Variants in CEP85L observed in about 807,000 individuals in gnomAD.
The protein encoded by CEP85L is centrosomal protein of 85 kDa-like.
Under a neutral mutation model 100.3 loss-of-function variants are expected in CEP85L, and 60 were observed. That is an observed-to-expected ratio of 0.60 (90% CI 0.49 to 0.74). The LOEUF is 0.74. Among genes scored for constraint, CEP85L ranks in the 30% least tolerant of loss-of-function variants. The pLI is 0.00. For missense variants in CEP85L, 973 were observed against 936.2 expected, an observed-to-expected ratio of 1.04 and a Z score of -0.51; for synonymous variants, 319 against 322.7, an observed-to-expected ratio of 0.99 and a Z score of 0.12.
intron 3 of CEP85L, among the ~76,000 whole-genome samples, chr6:118,554,338 G>A (rs55968023): frequency 0.017 from 2,591 of 151,944 alleles, 69 homozygotes; most frequent in African/African-American, 0.059. Context: ...AATGAGATGG[G>A]GTCTCATTAT....
intron 3 of CEP85L, among the ~76,000 whole-genome samples, chr6:118,558,404 A>G (rs1201884115): frequency 1.3e-5 from 2 of 152,148 alleles, no homozygotes; most frequent in Admixed American, 1.3e-4. Flanking sequence ...GTTTACATCA[A>G]TCAGCCTAGG....
chr6:118,560,836 G>C (rs890678760), intron 3 of CEP85L: 1 of 152,866 alleles, frequency 6.5e-6, no homozygotes, highest in South Asian at 2.1e-4. Context: ...GGTAATTTAA[G>C]TTGACTAAAG....
intron 1 of CEP85L, among the ~76,000 whole-genome samples, chr6:118,643,690 A>C (rs906463136): frequency 6.6e-6 from 1 of 152,214 alleles, no homozygotes; most frequent in Admixed American, 6.5e-5. Flanking sequence ...GGAGAAAAAA[A>C]ACAAAAGTAG....
At chr6:118,652,030 T>C, upstream of CEP85L, 1 of 480,104 alleles carries the variant, frequency 2.1e-6, no homozygotes, top group Non-Finnish European at 2.7e-6. Flanking sequence ...AATCCTCATC[T>C]GTATTCCTTC....
intron 1 of CEP85L, among the ~76,000 whole-genome samples, chr6:118,675,069 C>T (rs948101081): frequency 5.3e-5 from 8 of 152,138 alleles, no homozygotes; most frequent in African/African-American, 1.9e-4. Context: ...TGTCTGTCAA[C>T]TCATAAATGG....
At chr6:118,556,181 G>T (rs1469340211) in intron 3 of CEP85L, among the ~76,000 whole-genome samples, 6 of 152,160 alleles carry the variant, frequency 3.9e-5, no homozygotes, top group African/African-American at 1.4e-4. Flanking sequence ...TGGGATTGTT[G>T]GGTCGAATGG....
intron 5 of CEP85L, chr6:118,502,433 G>T: frequency 3.8e-6 from 2 of 528,924 alleles, no homozygotes; most frequent in Non-Finnish European, 3.7e-6. Context: ...TATAAGAGTT[G>T]GAGATATCAC....
At chr6:118,654,160 T>C (rs983685267), upstream of CEP85L, among the ~76,000 whole-genome samples, 1 of 152,122 alleles carries the variant, frequency 6.6e-6, no homozygotes, top group African/African-American at 2.4e-5. Flanking sequence ...ATGCCTGTAA[T>C]CCAGTGCTTT....
chr6:118,692,840 A>T (rs987294892), intron 1 of CEP85L, among the ~76,000 whole-genome samples: 3 of 102,530 alleles, frequency 2.9e-5, no homozygotes, highest in African/African-American at 1.1e-4. Flanking sequence ...GCAGGAAATC[A>T]TAAGGTAGTT....
At chr6:118,471,232 C>T (rs981590573) in intron 10 of CEP85L, among the ~76,000 whole-genome samples, 8 of 152,022 alleles carry the variant, frequency 5.3e-5, no homozygotes, top group African/African-American at 1.9e-4. Context: ...ATTACCTAGA[C>T]ATGACACTAT....
At chr6:118,593,569 C>G (rs541611786) in intron 2 of CEP85L, among the ~76,000 whole-genome samples, 3 of 151,554 alleles carry the variant, frequency 2.0e-5, no homozygotes, top group Non-Finnish European at 4.4e-5. Context: ...AAACCATTCA[C>G]GAGAAACTGC....
chr6:118,600,298 G>GTT (rs1781672559), intron 2 of CEP85L, among the ~76,000 whole-genome samples: 6 of 59,152 alleles, frequency 1.0e-4, no homozygotes, highest in African/African-American at 3.5e-4. Flanking sequence ...AGCCTTCCTG[G>GTT]GGGTGTGTGT....
At chr6:118,652,204 C>G (rs1355220456), upstream of CEP85L, among the ~76,000 whole-genome samples, 2 of 152,036 alleles carry the variant, frequency 1.3e-5, no homozygotes, top group Non-Finnish European at 2.9e-5. Context: ...ATTGTAATCG[C>G]ACAACGTTTC....
chr6:118,705,437 T>C (rs886677590), intron 1 of CEP85L, among the ~76,000 whole-genome samples: 7 of 152,222 alleles, frequency 4.6e-5, no homozygotes, highest in Non-Finnish European at 8.8e-5. Context: ...AAAATATAGT[T>C]ACAAGGCATG....
intron 4 of CEP85L, among the ~76,000 whole-genome samples, chr6:118,514,972 GT>G (rs369273286): frequency 5.9e-4 from 86 of 144,676 alleles, no homozygotes; most frequent in Middle Eastern, 3.7e-3. Context: ...GCCCGGCTAA[GT>G]TTTTTTTTTT....
upstream of CEP85L, among the ~76,000 whole-genome samples, chr6:118,654,385 C>A (rs1775704961): frequency 6.6e-6 from 1 of 151,994 alleles, no homozygotes; most frequent in Non-Finnish European, 1.5e-5. Context: ...GCAAAAGAAC[C>A]CAACAATATG....
At chr6:118,639,018 T>C (rs761162103) in intron 1 of CEP85L, among the ~76,000 whole-genome samples, 2 of 152,188 alleles carry the variant, frequency 1.3e-5, no homozygotes, top group South Asian at 2.1e-4. Flanking sequence ...AGCAGATTTA[T>C]ACTTTTAAAT....
At chr6:118,542,919 A>AAAAAAAAAAAAAAAAAC (rs1562245143) in intron 3 of CEP85L, among the ~76,000 whole-genome samples, 1 of 150,758 alleles carries the variant, frequency 6.6e-6, no homozygotes, top group African/African-American at 2.4e-5. Context: ...AAAAAAAAAA[A>AAAAAAAAAAAAAAAAAC]AAAACAGGAT....
upstream of CEP85L, chr6:118,652,388 T>C (rs1775619037): frequency 7.4e-6 from 8 of 1,077,256 alleles, no homozygotes; most frequent in African/African-American, 1.7e-5. Flanking sequence ...AGCATCGTTT[T>C]ATTTTTAAAT....
Sources: allele counts gnomAD v4.1 joint callset (sites outside exome capture counted in the v4.1 genomes callset), GRCh38; gene constraint gnomAD v4.1.1; transcripts MANE v1.5; gene names NCBI Gene and HGNC (gene_info 2026-07-23, HGNC 2026-07-21).